PCDHA11: variants seen among roughly 807,000 people sequenced by gnomAD.
The protein encoded by PCDHA11 is protocadherin alpha 11.
PCDHA11 carries 61 observed loss-of-function variants against 70.3 expected under a neutral mutation model. The ratio of observed to expected loss-of-function variants is 0.87; its 90% CI spans 0.71 to 1.07. The LOEUF (loss-of-function observed/expected upper bound fraction) is 1.07, where lower values mean the gene tolerates loss of function less well. Ranked by LOEUF, PCDHA11 falls within the 50% of genes least tolerant of loss-of-function variation. The pLI is 0.00. For missense variants in PCDHA11, 1,324 were observed against 1,237.5 expected, an observed-to-expected ratio of 1.07 and a Z score of -1.05; for synonymous variants, 633 against 555.1, an observed-to-expected ratio of 1.14 and a Z score of -1.97.
intron 1 of PCDHA11, chr5:140,967,383 T>A: frequency 6.2e-7 from 1 of 1,608,702 alleles, no homozygotes; most frequent in Non-Finnish European, 8.5e-7. Flanking sequence ...AACAGTAAAG[T>A]GCTTGAGCTG....
chr5:140,973,741 G>C (rs925905924), intron 1 of PCDHA11, among the ~76,000 whole-genome samples: 1 of 152,206 alleles, frequency 6.6e-6, no homozygotes, highest in Admixed American at 6.5e-5. Context: ...GTCTAACTCA[G>C]AACACTCTGC....
At chr5:140,877,924 A>T in intron 1 of PCDHA11, 1 of 1,419,290 alleles carries the variant, frequency 7.0e-7, no homozygotes, top group Non-Finnish European at 9.3e-7. Flanking sequence ...ATTTTTCTTT[A>T]TGATTCTATC....
intron 1 of PCDHA11, among the ~76,000 whole-genome samples, chr5:140,941,846 C>T (rs2093181493): frequency 6.6e-6 from 1 of 152,178 alleles, no homozygotes; most frequent in Non-Finnish European, 1.5e-5. Flanking sequence ...CTGCCATTAC[C>T]TGATATTCCC....
rs1364118007 is a variant in PCDHA11 at position 140,899,089 on chromosome 5, G to T, written c.2391+27595G>T. Among the ~76,000 whole-genome samples the T allele has an allele frequency of 5.3e-5, 8 of 152,134 alleles. No individual in the cohort carries two copies. The East Asian group carries it at 1.5e-3, about 29-fold the overall frequency. On this transcript the variant is annotated intron_variant, in intron 1 of 3. Coordinates refer to ENST00000398640, the MANE Select transcript of PCDHA11 (RefSeq NM_018902.5). ...TGCTTATCAGCTTAAGGAGATTTTG[G>T]GCTGAGATAATGGGGTTTTCTAGAT...
intron 1 of PCDHA11, among the ~76,000 whole-genome samples, chr5:140,923,708 T>C (rs1554201570): frequency 1.3e-5 from 2 of 152,216 alleles, no homozygotes; most frequent in Non-Finnish European, 2.9e-5. Context: ...CCAATTTACT[T>C]GAATAAGAAT....
intron 1 of PCDHA11, chr5:140,928,708 T>C: frequency 1.2e-6 from 2 of 1,614,208 alleles, no homozygotes; most frequent in Non-Finnish European, 1.7e-6. Context: ...GGCGTCTGAC[T>C]CTAGTCTCTT....
chr5:140,967,831 C>T (rs2153762943), intron 1 of PCDHA11: 1 of 1,614,130 alleles, frequency 6.2e-7, no homozygotes, highest in Admixed American at 1.7e-5. Flanking sequence ...TGGTGGACAT[C>T]GTGGACGTGA....
At position 140,871,043 on chromosome 5, in the gene PCDHA11, T is replaced by A. The variant is rs763700203; in HGVS notation, c.1940T>A (p.Leu647Gln). ...DEADSPRHRL[L>Q]VLVKDHGEPA... ...GCAGACTCGCCGCGCCACCGACTTC[T>A]AGTACTGGTGAAGGATCACGGTGAG... The change falls in exon 1 of 4, where the codon CTA (leucine) becomes CAA (glutamine). Residue 647 changes from leucine to glutamine, a missense_variant. Physicochemically the swap from Leu to Gln is moderately radical, Grantham distance 113 (BLOSUM62 -2). Transcript: ENST00000398640. 6.2e-7 allele frequency: 1 copy of A among 1,613,370 alleles called. No individual in the cohort carries two copies. Among genetic ancestry groups the A allele is most frequent in the Non-Finnish European group, 8.5e-7 (1 of 1,179,876 alleles).
intron 1 of PCDHA11, among the ~76,000 whole-genome samples, chr5:140,925,533 A>C (rs1334031760): frequency 1.3e-5 from 2 of 152,062 alleles, no homozygotes; most frequent in Non-Finnish European, 2.9e-5. Flanking sequence ...AAGCGAGGAG[A>C]AATACCTAAT....
intron 1 of PCDHA11, among the ~76,000 whole-genome samples, chr5:140,953,230 A>G (rs782703084): frequency 2.0e-5 from 3 of 152,180 alleles, no homozygotes; most frequent in Non-Finnish European, 4.4e-5. Context: ...TCTGCTTGGT[A>G]GCAGTTCAAA....
chr5:140,946,731 G>T (rs1183627101), intron 1 of PCDHA11, among the ~76,000 whole-genome samples: 1 of 150,574 alleles, frequency 6.6e-6, no homozygotes, highest in African/African-American at 2.5e-5. Flanking sequence ...AATAAGCCAG[G>T]CACAGAAAGA....
At chr5:140,883,342 C>T in intron 1 of PCDHA11, 1 of 1,614,154 alleles carries the variant, frequency 6.2e-7, no homozygotes, top group Non-Finnish European at 8.5e-7. Flanking sequence ...TGTCACTCCC[C>T]ATCAGAGAAG....
In PCDHA11 at chr5:140,870,385, G is replaced by A; in HGVS notation, c.1282G>A (p.Asp428Asn). 1 of 1,614,240 alleles carries A rather than the reference G, an allele frequency of 6.2e-7. No individual in the cohort carries two copies. Residue 428 changes from aspartate to asparagine, a missense_variant, in exon 1 of 4, where the codon GAT becomes AAT. By Grantham distance (23) the Asp-to-Asn change is conservative. Coordinates refer to ENST00000398640, the MANE Select transcript of PCDHA11 (RefSeq NM_018902.5). ...CTATGAACTGGTGGTGACTGCGCGG[G>A]ATGGGGGTTCGCCTTCTCTGTGGGC... ...WAYELVVTAR[D>N]GGSPSLWATA...
intron 1 of PCDHA11, among the ~76,000 whole-genome samples, chr5:140,912,180 T>C (rs2075805933): frequency 6.6e-6 from 1 of 152,168 alleles, no homozygotes; most frequent in South Asian, 2.1e-4. Flanking sequence ...TGGCAGCTGA[T>C]TAGATTGTGC....
chr5:141,009,449 A>T, intron 3 of PCDHA11, among the ~76,000 whole-genome samples, 178 bp from the exon 4 acceptor site: 1 of 152,184 alleles, frequency 6.6e-6, no homozygotes, highest in Non-Finnish European at 1.5e-5. Context: ...GTCTCAAAAA[A>T]ATTAAACAAA....
intron 1 of PCDHA11, among the ~76,000 whole-genome samples, chr5:140,932,387 T>C (rs1419863335): frequency 6.6e-6 from 1 of 151,960 alleles, no homozygotes; most frequent in Non-Finnish European, 1.5e-5. Context: ...AAGTTATACA[T>C]AGTTTCAACA....
At chr5:140,946,631 T>TATATATATATACACACAC (rs57893927) in intron 1 of PCDHA11, among the ~76,000 whole-genome samples, 1 of 131,846 alleles carries the variant, frequency 7.6e-6, no homozygotes, top group East Asian at 2.0e-4. Context: ...TATATATATA[T>TATATATATATACACACAC]ACAATGGAAT....
chr5:140,946,631 T>TATATATATATATATATATAC lies in PCDHA11; in HGVS notation c.2392-32317_2392-32316insTATATATATATATATATACA, dbSNP rs57893927. ...TGTGAAATATATATATATATATATA[T>TATATATATATATATATATAC]ACAATGGAATACTCATCAGCCATTA... On this transcript the variant is annotated intron_variant, in intron 1 of 3. Transcript: ENST00000398640. Among the ~76,000 whole-genome samples, 543 of 131,742 alleles carry TATATATATATATATATATAC rather than the reference T, an allele frequency of 4.1e-3. 35 individuals are homozygous for TATATATATATATATATATAC. Among genetic ancestry groups the TATATATATATATATATATAC allele is most frequent in the African/African-American group, 0.018 (501 of 28,614 alleles). The allele number at this position is 131,742 out of a possible 152,430, so 86.4% of individuals were successfully genotyped here.
In PCDHA11 at chr5:140,870,175, G is replaced by C. The variant is rs2051727190; in HGVS notation, c.1072G>C (p.Val358Leu). 1 of 1,614,012 alleles carries C rather than the reference G, an allele frequency of 6.2e-7. No homozygotes were observed. The highest frequency in any genetic ancestry group is 1.1e-5 in the South Asian group (1 of 91,080). Residue 358 changes from valine (V) to leucine (L), a missense_variant, in exon 1 of 4, where the codon GTA becomes CTA. By Grantham distance (32) the Val-to-Leu change is conservative. Transcript: ENST00000398640. ...EVAVTSLSLP[V>L]REDAQPSTVI... is the part of the protein sequence containing the mutation. Reference sequence around the variant, plus strand: ...CGCCGTGACTTCCTTGTCCCTCCCAGTACGAGAGGACGCTCAGCCCAGCAC... The same window carrying C: ...CGCCGTGACTTCCTTGTCCCTCCCACTACGAGAGGACGCTCAGCCCAGCAC...
Sources: allele counts gnomAD v4.1 joint callset (sites outside exome capture counted in the v4.1 genomes callset), GRCh38; gene constraint gnomAD v4.1.1; transcripts MANE v1.5; gene names NCBI Gene and HGNC (gene_info 2026-07-23, HGNC 2026-07-21).